The following DNAAF11 variants were observed in gnomAD, a reference collection of about 807,000 sequenced individuals.
DNAAF11 encodes the protein dynein axonemal assembly factor 11.
DNAAF11 carries 45 observed loss-of-function variants against 60.8 expected under a neutral mutation model. That is an observed-to-expected ratio of 0.74 (90% CI 0.58 to 0.95). The LOEUF (loss-of-function observed/expected upper bound fraction) is 0.95. Among genes scored for constraint, DNAAF11 ranks in the 40% least tolerant of loss-of-function variants. The probability of loss-of-function intolerance (pLI) is 0.00; values close to 1 mark genes in which losing one functional copy is unlikely to be tolerated. For synonymous variants in DNAAF11, 191 were observed against 183.5 expected (o/e 1.04, Z -0.33); for missense variants, 546 against 546.2 (o/e 1.00, Z 0.00).
chr8:132,608,891 G>A (rs4314632), intron 10 of DNAAF11, among the ~76,000 whole-genome samples: 38 of 152,142 alleles, frequency 2.5e-4, no homozygotes, highest in African/African-American at 8.2e-4. Context: ...ACATAATTGA[G>A]TACCTATAAT....
At chr8:132,632,299 A>G (rs1820877466) in intron 5 of DNAAF11, among the ~76,000 whole-genome samples, 1 of 152,230 alleles carries the variant, frequency 6.6e-6, no homozygotes, top group South Asian at 2.1e-4. Context: ...TTAGAGAGTT[A>G]TTAATCACAT....
chr8:132,701,851 T>C, the DNAAF11 span, among the ~76,000 whole-genome samples: 48 of 152,174 alleles, frequency 3.2e-4, no homozygotes, highest in African/African-American at 9.1e-4. Flanking sequence ...AATGGCCACA[T>C]GATTGACCCC....
At chr8:132,683,175 G>T in the DNAAF11 span, among the ~76,000 whole-genome samples, 1 of 152,162 alleles carries the variant, frequency 6.6e-6, no homozygotes, top group African/African-American at 2.4e-5. Context: ...AATAAAAAAG[G>T]ATCTTTTCTG....
intron 2 of DNAAF11, among the ~76,000 whole-genome samples, chr8:132,657,139 A>C (rs1169170807): frequency 6.6e-6 from 1 of 152,112 alleles, no homozygotes; most frequent in African/African-American, 2.4e-5. Flanking sequence ...GTCTTTACCT[A>C]GCCCTAACTC....
At chr8:132,700,611 C>T in the DNAAF11 span, among the ~76,000 whole-genome samples, 1 of 152,034 alleles carries the variant, frequency 6.6e-6, no homozygotes, top group African/African-American at 2.4e-5. Context: ...TTGCTTGAGC[C>T]CAAGGGTTCT....
At chr8:132,578,420 C>T (rs527445689) in intron 11 of DNAAF11, 33 of 1,484,286 alleles carry the variant, frequency 2.2e-5, no homozygotes, top group African/African-American at 1.6e-4. Context: ...TTGCTTTCCC[C>T]GCCTTAATGT....
chr8:132,674,181 AAGG>A (rs1411283543), intron 1 of DNAAF11, among the ~76,000 whole-genome samples: 2 of 82,488 alleles, frequency 2.4e-5, no homozygotes, highest in African/African-American at 5.3e-5. Context: ...GGAGGAGGAG[AAGG>A]AGGAGGAGGA....
the DNAAF11 span, among the ~76,000 whole-genome samples, chr8:132,691,247 T>C: frequency 1.3e-4 from 19 of 151,122 alleles, no homozygotes; most frequent in Admixed American, 5.3e-4. Context: ...ACTATTATTT[T>C]AATTTATTGT....
chr8:132,651,472 C>G (rs899195420), intron 3 of DNAAF11, among the ~76,000 whole-genome samples: 5 of 151,990 alleles, frequency 3.3e-5, no homozygotes, highest in African/African-American at 1.2e-4. Context: ...TCCCACTATC[C>G]CCCTCCACCG....
chr8:132,601,199 A>C (rs1817574127), intron 10 of DNAAF11, among the ~76,000 whole-genome samples: 2 of 152,244 alleles, frequency 1.3e-5, no homozygotes, highest in Non-Finnish European at 2.9e-5. Context: ...CCATCAGATA[A>C]ATGCAAATCA....
rs573412103 is a variant in DNAAF11 at position 132,570,543 on chromosome 8, T to C, written c.*1763A>G. On this transcript the variant is annotated 3_prime_UTR_variant, in exon 12 of 12. Coordinates refer to ENST00000620350, the MANE Select transcript of DNAAF11 (RefSeq NM_012472.6). ...ACATGATTTCCAAGTTGGTAGAGGT[T>C]GAGTTCTGTTGGATTATGATATGTC... 2.0e-5 allele frequency among the ~76,000 whole-genome samples: 3 copies of C among 152,338 alleles called. No homozygotes were observed. Among genetic ancestry groups the C allele is most frequent in the African/African-American group, 7.2e-5 (3 of 41,586 alleles).
At chr8:132,663,317 A>G (rs1017594804) in intron 1 of DNAAF11, among the ~76,000 whole-genome samples, 6 of 152,216 alleles carry the variant, frequency 3.9e-5, no homozygotes, top group Non-Finnish European at 5.9e-5. Flanking sequence ...AAGAGCATTA[A>G]AACTACTCTC....
At position 132,625,269 on chromosome 8, in the gene DNAAF11, T is replaced by C; in HGVS notation, c.836+3A>G. 6.3e-7 allele frequency: 1 copy of C among 1,593,232 alleles called. No individual in the cohort carries two copies. Among genetic ancestry groups the C allele is most frequent in the East Asian group, 2.2e-5 (1 of 44,476 alleles). ...TTCCCTCTCCTAGGAAAGAATGAAATACCTTAATTTTTCCTGTTTCTTCCG... is the reference window on the plus strand; with the variant it reads ...TTCCCTCTCCTAGGAAAGAATGAAACACCTTAATTTTTCCTGTTTCTTCCG... On this transcript the variant is annotated splice_donor_region_variant and intron_variant, in intron 6 of 11. Coordinates refer to ENST00000620350, the MANE Select transcript of DNAAF11 (RefSeq NM_012472.6).
intron 4 of DNAAF11, among the ~76,000 whole-genome samples, chr8:132,634,265 T>G (rs993434074): frequency 1.3e-5 from 2 of 152,140 alleles, no homozygotes; most frequent in African/African-American, 4.8e-5. Flanking sequence ...AGTTACACAA[T>G]TTTCATGGTC....
chr8:132,606,726 G>A (rs1424520032), intron 10 of DNAAF11, among the ~76,000 whole-genome samples: 10 of 152,056 alleles, frequency 6.6e-5, no homozygotes, highest in Non-Finnish European at 1.5e-4. Flanking sequence ...TGTTGCCCAG[G>A]CTGGTCTCAA....
chr8:132,576,802 TCA>T (rs3035465), intron 11 of DNAAF11, among the ~76,000 whole-genome samples: 25,229 of 152,072 alleles, frequency 0.17, 3,339 homozygotes, highest in African/African-American at 0.37. Flanking sequence ...ACCTGTATGT[TCA>T]CAGTCTTATC....
chr8:132,591,267 G>C (rs1036897161), intron 10 of DNAAF11, among the ~76,000 whole-genome samples: 3 of 151,724 alleles, frequency 2.0e-5, no homozygotes, highest in Non-Finnish European at 4.4e-5. Context: ...TTTTAAATAG[G>C]AATTTGGCAG....
the DNAAF11 span, among the ~76,000 whole-genome samples, chr8:132,681,838 G>A: frequency 0.58 from 87,976 of 151,594 alleles, 27,849 homozygotes; most frequent in African/African-American, 0.85. Context: ...ATATACTCAG[G>A]AGAGAATAAC....
chr8:132,667,075 G>A (rs1050219585), intron 1 of DNAAF11, among the ~76,000 whole-genome samples: 3 of 152,144 alleles, frequency 2.0e-5, no homozygotes, highest in African/African-American at 7.2e-5. Flanking sequence ...AAAAAGCTAG[G>A]CAAGTTTGAG....
Sources: allele counts gnomAD v4.1 joint callset (sites outside exome capture counted in the v4.1 genomes callset), GRCh38; gene constraint gnomAD v4.1.1; transcripts MANE v1.5; gene names NCBI Gene and HGNC (gene_info 2026-07-23, HGNC 2026-07-21).